ERC2: variants seen among roughly 807,000 people sequenced by gnomAD.
The protein encoded by ERC2 is ERC protein 2.
ERC2 carries 42 observed loss-of-function variants against 114.8 expected under a neutral mutation model. That is an observed-to-expected ratio of 0.37 (90% CI 0.29 to 0.47). The LOEUF is 0.47. Ranked by LOEUF, ERC2 falls within the 20% of genes least tolerant of loss-of-function variation. ERC2 has a pLI of 0.99. For missense variants in ERC2, 939 were observed against 1,150.7 expected, an observed-to-expected ratio of 0.82 and a Z score of 2.66; for synonymous variants, 454 against 425.5, an observed-to-expected ratio of 1.07 and a Z score of -0.82.
intron 3 of ERC2, among the ~76,000 whole-genome samples, chr3:56,265,537 G>A (rs1420341242): frequency 6.6e-6 from 1 of 152,138 alleles, no homozygotes. Flanking sequence ...CTTGACATTG[G>A]TTGTAGCAAT....
At chr3:56,084,711 G>C (rs557764559) in intron 6 of ERC2, among the ~76,000 whole-genome samples, 1 of 152,134 alleles carries the variant, frequency 6.6e-6, no homozygotes, top group South Asian at 2.1e-4. Flanking sequence ...GAAGCAGGAA[G>C]GGTGTGAGGA....
chr3:56,343,918 G>T (rs1207177649), intron 2 of ERC2, among the ~76,000 whole-genome samples: 1 of 152,038 alleles, frequency 6.6e-6, no homozygotes, highest in Non-Finnish European at 1.5e-5. Context: ...CTAGACTAAA[G>T]AATTCAATAA....
intron 16 of ERC2, among the ~76,000 whole-genome samples, chr3:55,693,530 T>C (rs1272498823): frequency 6.6e-6 from 1 of 151,932 alleles, no homozygotes; most frequent in African/African-American, 2.4e-5. Flanking sequence ...ATTCTGGTGA[T>C]TCCATAGAAG....
chr3:55,697,260 C>A (rs1030244055), intron 16 of ERC2, among the ~76,000 whole-genome samples: 2 of 152,186 alleles, frequency 1.3e-5, no homozygotes, highest in Non-Finnish European at 2.9e-5. Flanking sequence ...CCAGATTTCT[C>A]ATCTGGAGAA....
At chr3:56,245,655 T>G (rs536024682) in intron 3 of ERC2, among the ~76,000 whole-genome samples, 1 of 152,032 alleles carries the variant, frequency 6.6e-6, no homozygotes, top group Non-Finnish European at 1.5e-5. Flanking sequence ...GCAATTCTCC[T>G]GCCTCAGCCT....
chr3:55,597,556 C>T (rs754585431), intron 17 of ERC2, among the ~76,000 whole-genome samples: 17 of 152,262 alleles, frequency 1.1e-4, no homozygotes, highest in Middle Eastern at 3.4e-3. Context: ...TCTCGGGTCA[C>T]CTTAAGTCCG....
chr3:56,044,215 T>TA (rs2075345061), intron 7 of ERC2, among the ~76,000 whole-genome samples: 1 of 152,222 alleles, frequency 6.6e-6, no homozygotes, highest in Admixed American at 6.5e-5. Flanking sequence ...AAGAATTATT[T>TA]AAGGGAGAAT....
intron 14 of ERC2, among the ~76,000 whole-genome samples, chr3:55,820,659 C>CA (rs1222232664): frequency 6.6e-6 from 1 of 152,148 alleles, no homozygotes; most frequent in African/African-American, 2.4e-5. Flanking sequence ...CCCAAGGTTA[C>CA]ACAGCGAGTA....
chr3:55,819,413 C>T (rs1348081908), intron 14 of ERC2, among the ~76,000 whole-genome samples: 1 of 152,128 alleles, frequency 6.6e-6, no homozygotes, highest in East Asian at 1.9e-4. Flanking sequence ...AGCTTTTAAT[C>T]AAGTCTATAC....
intron 2 of ERC2, among the ~76,000 whole-genome samples, chr3:56,426,679 T>G (rs1465012388): frequency 1.3e-5 from 2 of 152,216 alleles, no homozygotes; most frequent in Non-Finnish European, 2.9e-5. Context: ...GAATAGCTGC[T>G]GTTCTGAGGA....
intron 3 of ERC2, among the ~76,000 whole-genome samples, chr3:56,197,552 A>G (rs886259070): frequency 1.3e-5 from 2 of 152,234 alleles, no homozygotes; most frequent in Admixed American, 1.3e-4. Context: ...GGGGAACACA[A>G]TAATGGTAGC....
chr3:55,941,670 G>C (rs904358516), intron 13 of ERC2, among the ~76,000 whole-genome samples: 4 of 152,042 alleles, frequency 2.6e-5, no homozygotes, highest in Admixed American at 2.6e-4. Flanking sequence ...TTATTCTTTT[G>C]GTTGAATTTT....
intron 5 of ERC2, among the ~76,000 whole-genome samples, chr3:56,146,466 G>A (rs961751285): frequency 1.3e-5 from 2 of 152,166 alleles, no homozygotes; most frequent in African/African-American, 4.8e-5. Flanking sequence ...TAAAAGAGGT[G>A]TCTGCATGAC....
chr3:55,882,934 C>G (rs1419972726), intron 14 of ERC2, among the ~76,000 whole-genome samples: 1 of 152,212 alleles, frequency 6.6e-6, no homozygotes, highest in Non-Finnish European at 1.5e-5. Context: ...TTGGAAATGA[C>G]TTTCTAAGTG....
chr3:55,654,574 T>C (rs1010054793), intron 17 of ERC2, among the ~76,000 whole-genome samples: 18 of 152,220 alleles, frequency 1.2e-4, no homozygotes, highest in Non-Finnish European at 2.1e-4. Flanking sequence ...GAGACTGCGG[T>C]GGAAGATAAC....
At chr3:55,665,153 A>AT (rs1252950072) in intron 17 of ERC2, among the ~76,000 whole-genome samples, 1 of 152,128 alleles carries the variant, frequency 6.6e-6, no homozygotes, top group Non-Finnish European at 1.5e-5. Context: ...AAGTAAACTG[A>AT]TTTTAAAAGT....
At chr3:55,526,479 C>T (rs926575510) in intron 17 of ERC2, among the ~76,000 whole-genome samples, 8 of 152,126 alleles carry the variant, frequency 5.3e-5, no homozygotes, top group Non-Finnish European at 1.2e-4. Context: ...TTCTGTCTCC[C>T]TTTGACCTGG....
chr3:55,760,810 A>G (rs1270939744), intron 14 of ERC2, among the ~76,000 whole-genome samples: 1 of 152,254 alleles, frequency 6.6e-6, no homozygotes. Context: ...TAATAAGCAT[A>G]TGGAGTCAGT....
intron 2 of ERC2, among the ~76,000 whole-genome samples, chr3:56,378,910 A>G (rs968065178): frequency 7.9e-4 from 121 of 152,342 alleles, no homozygotes; most frequent in African/African-American, 2.9e-3. Context: ...ATGGAAGTGT[A>G]ATGCAAGCCA....
Sources: gnomAD v4.1 joint callset for allele counts (sites outside exome capture counted in the v4.1 genomes callset) on GRCh38, gnomAD v4.1.1 for gene constraint, MANE v1.5 for transcripts, NCBI Gene and HGNC (gene_info 2026-07-23, HGNC 2026-07-21) for gene names.